Variants in UBE3C observed in about 807,000 individuals in gnomAD.
The protein encoded by UBE3C is ubiquitin-protein ligase E3C.
In UBE3C, 42 loss-of-function variants were observed where a neutral mutation model predicts 129.4. The observed-to-expected ratio is 0.32, with a 90% CI of 0.25 to 0.42. The LOEUF (loss-of-function observed/expected upper bound fraction) is 0.42, where lower values mean the gene tolerates loss of function less well. Ranked by LOEUF, UBE3C falls within the 10% of genes least tolerant of loss-of-function variation. The probability of loss-of-function intolerance (pLI) is 1.00; values close to 1 mark genes in which losing one functional copy is unlikely to be tolerated. For missense variants in UBE3C, 1,049 were observed against 1,319.1 expected, an observed-to-expected ratio of 0.80 and a Z score of 3.17; for synonymous variants, 510 against 492.4, an observed-to-expected ratio of 1.04 and a Z score of -0.47.
At chr7:157,176,432 G>A (rs1473347764) in intron 5 of UBE3C, among the ~76,000 whole-genome samples, 5 of 152,062 alleles carry the variant, frequency 3.3e-5, no homozygotes, top group Admixed American at 3.3e-4. Flanking sequence ...GTGCCACCAC[G>A]CCCAGCTAAT....
intron 22 of UBE3C, among the ~76,000 whole-genome samples, chr7:157,261,709 A>G (rs1174299340): frequency 6.6e-6 from 1 of 152,236 alleles, no homozygotes; most frequent in Non-Finnish European, 1.5e-5. Context: ...GAAACTCCTT[A>G]GTGCCAGATT....
Position 157,139,205 on chromosome 7 carries a change from C to G in UBE3C, c.-68C>G. Reference sequence around the variant, plus strand: ...GGCGGGCGCCGAGAGCCTCCCAGCCCGCCCCGTGCCCCGCCCGCCCGGCTG... The same window carrying G: ...GGCGGGCGCCGAGAGCCTCCCAGCCGGCCCCGTGCCCCGCCCGCCCGGCTG... On this transcript the variant is annotated 5_prime_UTR_variant, in exon 1 of 23. Coordinates refer to ENST00000348165, the MANE Select transcript of UBE3C (RefSeq NM_014671.3). 1.6e-6 allele frequency: 2 copies of G among 1,237,858 alleles called. No individual in the cohort carries two copies. Among genetic ancestry groups the G allele is most frequent in the Non-Finnish European group, 2.1e-6 (2 of 972,890 alleles). 76.7% of individuals were successfully genotyped at this position (1,237,858 alleles called of 1,614,324 possible). A position where few individuals can be genotyped will look rare whatever the true frequency, so the allele number is the denominator to read the frequency against.
At chr7:157,227,192 G>T (rs1297366110) in intron 17 of UBE3C, among the ~76,000 whole-genome samples, 1 of 152,102 alleles carries the variant, frequency 6.6e-6, no homozygotes, top group Non-Finnish European at 1.5e-5. Context: ...ATCGTGTAGT[G>T]TTTAGAGAAG....
intron 1 of UBE3C, among the ~76,000 whole-genome samples, chr7:157,149,659 C>T (rs1366122619): frequency 3.3e-5 from 5 of 152,118 alleles, no homozygotes; most frequent in African/African-American, 1.2e-4. Context: ...TCTTGAGTTA[C>T]AGTGTGAATT....
At chr7:157,194,624 A>T (rs571634612) in intron 10 of UBE3C, among the ~76,000 whole-genome samples, 1 of 152,340 alleles carries the variant, frequency 6.6e-6, no homozygotes, top group South Asian at 2.1e-4. Context: ...TGTTAATGCT[A>T]GGGAGGCCTT....
At chr7:157,176,553 GCGTGAGCCAC>G in intron 5 of UBE3C, among the ~76,000 whole-genome samples, 1 of 152,330 alleles carries the variant, frequency 6.6e-6, no homozygotes, top group Non-Finnish European at 1.5e-5. Context: ...GGGATTACAG[GCGTGAGCCAC>G]CGTGCCCAGC....
chr7:157,197,831 T>G, intron 10 of UBE3C: 1 of 1,612,768 alleles, frequency 6.2e-7, no homozygotes, highest in Non-Finnish European at 8.5e-7. Flanking sequence ...TTTTTGTTGT[T>G]GGCACTGAAT....
intron 1 of UBE3C, among the ~76,000 whole-genome samples, chr7:157,140,734 C>A (rs1481671984): frequency 6.6e-6 from 1 of 152,176 alleles, no homozygotes; most frequent in East Asian, 1.9e-4. Context: ...ACCCCACGGG[C>A]CACGGATGTT....
rs1809479323 is a variant in UBE3C at position 157,207,926 on chromosome 7, G to T, written c.1800G>T (p.Gln600His). Residue 600 changes from glutamine (Q) to histidine (H), a missense_variant, in exon 13 of 23, where the codon CAG becomes CAT. By Grantham distance (24) the Gln-to-His change is conservative. Coordinates refer to ENST00000348165, the MANE Select transcript of UBE3C (RefSeq NM_014671.3). ...CIQMEQKRWI[Q>H]LFKVITNLVK... The stretch of plus-strand genomic sequence containing the variant: ...AGATGGAACAGAAAAGATGGATTCA[G>T]TTATTTAAGGTATAGAGTATATGTA... The T allele has an allele frequency of 6.3e-7, 1 of 1,582,708 alleles. No homozygotes were observed. The highest frequency in any genetic ancestry group is 2.2e-5 in the East Asian group (1 of 44,566).
At chr7:157,243,980 C>T (rs1796411081) in intron 18 of UBE3C, among the ~76,000 whole-genome samples, 1 of 152,068 alleles carries the variant, frequency 6.6e-6, no homozygotes, top group Non-Finnish European at 1.5e-5. Flanking sequence ...ACCTGTAATC[C>T]CAGCACTTTG....
At chr7:157,187,484 C>T (rs1005697080) in intron 10 of UBE3C, among the ~76,000 whole-genome samples, 2 of 150,868 alleles carry the variant, frequency 1.3e-5, no homozygotes, top group African/African-American at 2.4e-5. Context: ...TGGGCTCAAG[C>T]GATCCTTTCA....
rs187306759 is a variant in UBE3C at position 157,215,281 on chromosome 7, C to T, written c.1810-1586C>T. On this transcript the variant is annotated intron_variant, in intron 13 of 22. Coordinates refer to ENST00000348165, the MANE Select transcript of UBE3C (RefSeq NM_014671.3). ...GAGATATCAACCCAAGTACCCTTCC[C>T]CTTTTTTCTTGGGCACACAGAATTT... Among the ~76,000 whole-genome samples, 217 of 152,172 alleles carry T rather than the reference C, an allele frequency of 1.4e-3. 1 individual carries two copies. The highest frequency in any genetic ancestry group is 4.8e-3 in the African/African-American group (201 of 41,522).
At chr7:157,258,384 C>G (rs942464420) in intron 22 of UBE3C, among the ~76,000 whole-genome samples, 1 of 152,184 alleles carries the variant, frequency 6.6e-6, no homozygotes, top group Admixed American at 6.5e-5. Flanking sequence ...AATGTAGTAG[C>G]GAGATCCTGT....
intron 4 of UBE3C, among the ~76,000 whole-genome samples, chr7:157,173,700 A>G (rs903819616): frequency 5.3e-5 from 8 of 152,298 alleles, no homozygotes; most frequent in African/African-American, 1.2e-4. Flanking sequence ...CAACAGTCCT[A>G]TTATATAATG....
chr7:157,139,424 T>C (rs1204146312), intron 1 of UBE3C, 86 bp downstream of exon 1: 19 of 1,305,746 alleles, frequency 1.5e-5, no homozygotes, highest in African/African-American at 5.0e-5. Context: ...GACTCGGGGC[T>C]GGACTCGGGG....
intron 18 of UBE3C, among the ~76,000 whole-genome samples, chr7:157,243,093 T>C (rs1017921946): frequency 6.6e-5 from 10 of 151,586 alleles, no homozygotes; most frequent in African/African-American, 2.4e-4. Flanking sequence ...CTGCTCAAAA[T>C]GTATCATATT....
At chr7:157,222,881 A>C (rs1281141118) in intron 15 of UBE3C, 1 of 215,914 alleles carries the variant, frequency 4.6e-6, no homozygotes, top group East Asian at 1.3e-4. Context: ...CCATAGTAGG[A>C]GGGAAAGGGC....
At chr7:157,187,658 C>T (rs1808847538) in intron 10 of UBE3C, among the ~76,000 whole-genome samples, 1 of 151,544 alleles carries the variant, frequency 6.6e-6, no homozygotes, top group African/African-American at 2.4e-5. Context: ...TCACTGTAGG[C>T]TCTGCCCCCC....
intron 14 of UBE3C, among the ~76,000 whole-genome samples, chr7:157,218,184 G>T (rs544532143): frequency 1.3e-5 from 2 of 152,340 alleles, no homozygotes; most frequent in South Asian, 4.1e-4. Flanking sequence ...GGTGGCTCAT[G>T]CCTGTAATCC....
Sources: gnomAD v4.1 joint callset for allele counts (sites outside exome capture counted in the v4.1 genomes callset) on GRCh38, gnomAD v4.1.1 for gene constraint, MANE v1.5 for transcripts, NCBI Gene and HGNC (gene_info 2026-07-23, HGNC 2026-07-21) for gene names.